The following GDI2 variants were observed in gnomAD, a reference collection of about 807,000 sequenced individuals.
The protein encoded by GDI2 is rab GDP dissociation inhibitor beta.
Under a neutral mutation model 54.2 loss-of-function variants are expected in GDI2, and 22 were observed. That is an observed-to-expected ratio of 0.41 (90% CI 0.29 to 0.58). The LOEUF is 0.58. Among genes scored for constraint, GDI2 ranks in the 20% least tolerant of loss-of-function variants. The probability of loss-of-function intolerance (pLI) is 0.35; values close to 1 mark genes in which losing one functional copy is unlikely to be tolerated. For missense variants in GDI2, 422 were observed against 546.0 expected (o/e 0.77, Z 2.26); for synonymous variants, 177 against 182.1 (o/e 0.97, Z 0.23).
Position 5,765,824 on chromosome 10 carries a change from G to T in GDI2, c.*182C>A. 1.9e-6 allele frequency: 1 copy of T among 533,942 alleles called. No individual in the cohort carries two copies. 33.1% of individuals were successfully genotyped at this position (533,942 alleles called of 1,614,324 possible). A position where few individuals can be genotyped will look rare whatever the true frequency, so the allele number is the denominator to read the frequency against. ...ACAGAATGTGGTAACTGCCAATGCTGAATAGCCACTCCATGAAAACAAGTT... is the reference window on the plus strand; with the variant it reads ...ACAGAATGTGGTAACTGCCAATGCTTAATAGCCACTCCATGAAAACAAGTT... On this transcript the variant is annotated 3_prime_UTR_variant, in exon 11 of 11. Transcript: ENST00000380191.
At chr10:5,769,823 A>G (rs986560824) in intron 7 of GDI2, among the ~76,000 whole-genome samples, 16 of 152,230 alleles carry the variant, frequency 1.1e-4, no homozygotes, top group African/African-American at 3.9e-4. Flanking sequence ...ATGGTATGGC[A>G]GTTTCTCAAA....
Position 5,794,926 on chromosome 10 carries a change from A to AT in GDI2, c.346dup (p.Ile116AsnfsTer8). The AT allele has an allele frequency of 6.2e-7, 1 of 1,606,772 alleles. No homozygotes were observed. The highest frequency in any genetic ancestry group is 1.1e-5 in the South Asian group (1 of 90,914). ...TGCTTCAGTGGAAGGAACCTTGTAGATTTTTCCACCCTTATAGACAAAGCT... is the reference window on the plus strand; with the variant it reads ...TGCTTCAGTGGAAGGAACCTTGTAGATTTTTTCCACCCTTATAGACAAAGCT... On this transcript the variant is annotated frameshift_variant, in exon 4 of 11. Transcript: ENST00000380191. LOFTEE classifies it high-confidence loss of function.
chr10:5,810,663 T>C (rs1364563597), intron 1 of GDI2, among the ~76,000 whole-genome samples: 3 of 152,254 alleles, frequency 2.0e-5, no homozygotes, highest in African/African-American at 7.2e-5. Context: ...AAGTAAATTA[T>C]GTTTCTTAGT....
chr10:5,784,473 T>C (rs1309239746), intron 6 of GDI2, among the ~76,000 whole-genome samples: 1 of 152,236 alleles, frequency 6.6e-6, no homozygotes, highest in Non-Finnish European at 1.5e-5. Flanking sequence ...TAAGCTAGTG[T>C]GACCTTTTCA....
intron 4 of GDI2, 67 bp from the exon 5 acceptor site, chr10:5,786,117 A>G (rs1308840188): frequency 6.0e-6 from 6 of 1,006,966 alleles, no homozygotes; most frequent in Non-Finnish European, 9.2e-6. Context: ...GAAGTATGAG[A>G]GCAAAGTTTA....
chr10:5,788,531 T>C (rs996072355), intron 4 of GDI2, among the ~76,000 whole-genome samples: 5 of 152,254 alleles, frequency 3.3e-5, no homozygotes, highest in South Asian at 2.1e-4. Flanking sequence ...CTGGGCCACG[T>C]TGGAAGAAAA....
At chr10:5,775,911 T>C (rs986157306) in intron 6 of GDI2, among the ~76,000 whole-genome samples, 4 of 152,098 alleles carry the variant, frequency 2.6e-5, no homozygotes, top group African/African-American at 9.7e-5. Flanking sequence ...GTGGTGAGGT[T>C]GTTGCTCCCT....
intron 3 of GDI2, among the ~76,000 whole-genome samples, chr10:5,796,103 T>G (rs1281221658): frequency 1.3e-5 from 2 of 151,952 alleles, no homozygotes; most frequent in African/African-American, 4.8e-5. Context: ...GTAATCACAG[T>G]ACTTGGGAGG....
rs934948685 is a variant in GDI2 at position 5,765,476 on chromosome 10, T to C, written c.*530A>G. ...CAAATGACTCCCTATGTCTGGGGTT[T>C]GGTTAGAATTTTATGCCCACATAAA... On this transcript the variant is annotated 3_prime_UTR_variant, in exon 11 of 11. Transcript: ENST00000380191. The C allele has an allele frequency of 4.6e-5, 7 of 152,724 alleles. No individual in the cohort carries two copies. Among genetic ancestry groups the C allele is most frequent in the Admixed American group, 4.6e-4 (7 of 15,276 alleles). The allele number at this position is 152,724 out of a possible 1,614,324, so 9.5% of individuals were successfully genotyped here. A position where few individuals can be genotyped will look rare whatever the true frequency, so the allele number is the denominator to read the frequency against.
At chr10:5,808,806 C>A (rs1009534850) in intron 1 of GDI2, among the ~76,000 whole-genome samples, 9 of 148,144 alleles carry the variant, frequency 6.1e-5, no homozygotes, top group African/African-American at 1.7e-4. Flanking sequence ...CTTTTCAAAA[C>A]TACTTACCTA....
intron 1 of GDI2, among the ~76,000 whole-genome samples, chr10:5,812,891 C>G (rs905385599): frequency 5.3e-5 from 8 of 152,232 alleles, no homozygotes; most frequent in African/African-American, 1.9e-4. Context: ...GAGCGGGACC[C>G]TTGGCCCGGG....
intron 4 of GDI2, among the ~76,000 whole-genome samples, chr10:5,794,188 A>AATATAT (rs1165735549): frequency 5.7e-4 from 23 of 40,326 alleles, no homozygotes; most frequent in Non-Finnish European, 6.3e-4. Context: ...AAAAAAAAAA[A>AATATAT]ATATATATAT....
chr10:5,809,386 TTC>T (rs1258543158), intron 1 of GDI2, among the ~76,000 whole-genome samples: 1 of 152,168 alleles, frequency 6.6e-6, no homozygotes, highest in Admixed American at 6.6e-5. Flanking sequence ...TCTCCAAAGC[TTC>T]TGTTTCAAGC....
intron 4 of GDI2, among the ~76,000 whole-genome samples, 165 bp downstream of exon 4, chr10:5,794,720 T>C (rs1841109680): frequency 6.6e-6 from 1 of 152,186 alleles, no homozygotes; most frequent in Non-Finnish European, 1.5e-5. Context: ...TTTTTGAACA[T>C]TTTGTTCACT....
chr10:5,767,898 G>A (rs1025590782), intron 8 of GDI2, among the ~76,000 whole-genome samples: 3 of 152,100 alleles, frequency 2.0e-5, no homozygotes, highest in Non-Finnish European at 2.9e-5. Context: ...GAATATACTC[G>A]GGTCAGTTAA....
intron 6 of GDI2, among the ~76,000 whole-genome samples, chr10:5,783,217 GATTT>G (rs754723707): frequency 3.2e-4 from 48 of 152,052 alleles, no homozygotes; most frequent in Middle Eastern, 3.4e-3. Context: ...TTATCAAACT[GATTT>G]TTTTTAAAAT....
chr10:5,777,604 G>A (rs1460566310), intron 6 of GDI2, among the ~76,000 whole-genome samples: 1 of 152,174 alleles, frequency 6.6e-6, no homozygotes, highest in Non-Finnish European at 1.5e-5. Context: ...CACGCCAGCT[G>A]GAATGGTGAT....
chr10:5,775,615 T>A (rs916752084), intron 6 of GDI2, among the ~76,000 whole-genome samples: 3 of 151,930 alleles, frequency 2.0e-5, no homozygotes, highest in African/African-American at 7.3e-5. Context: ...TATCTTCAAA[T>A]CCTTAACTAC....
chr10:5,779,437 G>A lies in GDI2; in HGVS notation c.720-5496C>T, dbSNP rs1362856789. Among the ~76,000 whole-genome samples the A allele has an allele frequency of 2.6e-5, 4 of 151,880 alleles. No individual in the cohort carries two copies. In the East Asian group the frequency reaches 7.7e-4, roughly 29 times the overall value. On this transcript the variant is annotated intron_variant, in intron 6 of 10. Coordinates refer to ENST00000380191, the MANE Select transcript of GDI2 (RefSeq NM_001494.4). Reference sequence around the variant, plus strand: ...GCAGGAGAATCGCTTGAACCCGGGAGGCAGAGGTTGCAGTGAGCTGAGATC... The same window carrying A: ...GCAGGAGAATCGCTTGAACCCGGGAAGCAGAGGTTGCAGTGAGCTGAGATC...
Sources: allele counts gnomAD v4.1 joint callset (sites outside exome capture counted in the v4.1 genomes callset), GRCh38; gene constraint gnomAD v4.1.1; transcripts MANE v1.5; gene names NCBI Gene and HGNC (gene_info 2026-07-23, HGNC 2026-07-21).